Variants in PRELID2 observed in about 807,000 individuals in gnomAD.
PRELID2 encodes the protein PRELI domain containing 2.
Under a neutral mutation model 28.4 loss-of-function variants are expected in PRELID2, and 25 were observed. That is an observed-to-expected ratio of 0.88 (90% CI 0.64 to 1.23). PRELID2 has a LOEUF of 1.23. Ranked by LOEUF, PRELID2 falls within the 50% of genes most tolerant of loss-of-function variation. The pLI is 0.00. For missense variants in PRELID2, 201 were observed against 214.4 expected, an observed-to-expected ratio of 0.94 and a Z score of 0.39; for synonymous variants, 76 against 71.6, an observed-to-expected ratio of 1.06 and a Z score of -0.31.
At chr5:145,370,485 C>A in the PRELID2 span, among the ~76,000 whole-genome samples, 1 of 152,044 alleles carries the variant, frequency 6.6e-6, no homozygotes, top group Non-Finnish European at 1.5e-5. Context: ...GTCTATATGT[C>A]TGCTTTGGTA....
chr5:145,656,965 A>C (rs1754407217), intron 1 of PRELID2, among the ~76,000 whole-genome samples: 1 of 152,180 alleles, frequency 6.6e-6, no homozygotes, highest in Admixed American at 6.5e-5. Flanking sequence ...AGCCTATCTC[A>C]CATGTTTATT....
At position 145,818,030 on chromosome 5, in the gene PRELID2, T is replaced by C. The variant is rs1204205021; in HGVS notation, c.232A>G (p.Ile78Val). 1 of 1,612,218 alleles carries C rather than the reference T, an allele frequency of 6.2e-7. No individual in the cohort carries two copies. The highest frequency in any genetic ancestry group is 1.3e-5 in the African/African-American group (1 of 74,656). Reference sequence around the variant, plus strand: ...AGCCATGACTCCTCTTCTAATTGGATATTAGGTACTTTCAAAATGCTCACC... The same window carrying C: ...AGCCATGACTCCTCTTCTAATTGGACATTAGGTACTTTCAAAATGCTCACC... ...RKVSILKVPNIQLEEESWLNP... is the reference protein window; with the variant it reads ...RKVSILKVPNVQLEEESWLNP... The change falls in exon 4 of 7, where the codon ATC becomes GTC. Residue 78 changes from isoleucine (I) to valine (V), a missense_variant. Coordinates refer to ENST00000683046, the MANE Select transcript of PRELID2 (RefSeq NM_205846.3).
the PRELID2 span, among the ~76,000 whole-genome samples, chr5:145,425,328 A>G: frequency 6.6e-6 from 1 of 152,206 alleles, no homozygotes; most frequent in African/African-American, 2.4e-5. Flanking sequence ...TTATTCAACT[A>G]TTATAGAAGA....
chr5:145,712,704 A>G (rs61120451), intron 1 of PRELID2, among the ~76,000 whole-genome samples: 2,939 of 152,318 alleles, frequency 0.019, 69 homozygotes, highest in East Asian at 0.075. Flanking sequence ...AGTATATGGA[A>G]GCAGACCCAG....
At position 145,757,721 on chromosome 5, in the gene PRELID2, GGAGGCA is replaced by G. The variant is rs1223328391; in HGVS notation, c.*2809_*2814del. Among the ~76,000 whole-genome samples, 2 of 151,742 alleles carry G rather than the reference GGAGGCA, an allele frequency of 1.3e-5. No individual in the cohort carries two copies. Among genetic ancestry groups the G allele is most frequent in the East Asian group, 1.9e-4 (1 of 5,166 alleles). On this transcript the variant is annotated 3_prime_UTR_variant, in exon 7 of 7. Transcript: ENST00000683046. ...TCAAGCCTGTAATCCCAGCACTTTGGGAGGCAGAGGCAGAGGCAGGAGGATCATTTG... is the reference window on the plus strand; with the variant it reads ...TCAAGCCTGTAATCCCAGCACTTTGGGAGGCAGAGGCAGGAGGATCATTTG...
At chr5:145,284,959 A>C in the PRELID2 span, among the ~76,000 whole-genome samples, 1 of 152,184 alleles carries the variant, frequency 6.6e-6, no homozygotes, top group Non-Finnish European at 1.5e-5. Context: ...ATTGAAACTT[A>C]CTATGTGCCA....
At chr5:145,520,150 G>A (rs1174763956) in intron 1 of PRELID2, among the ~76,000 whole-genome samples, 1 of 152,052 alleles carries the variant, frequency 6.6e-6, no homozygotes, top group Non-Finnish European at 1.5e-5. Flanking sequence ...ACATTTTCCC[G>A]CTAAACCAAG....
chr5:145,295,550 A>G, the PRELID2 span, among the ~76,000 whole-genome samples: 2 of 152,186 alleles, frequency 1.3e-5, no homozygotes, highest in African/African-American at 2.4e-5. Flanking sequence ...ACAGAACACA[A>G]GGCAACTCCA....
At chr5:145,539,083 C>T (rs1192805001) in intron 1 of PRELID2, among the ~76,000 whole-genome samples, 1 of 151,828 alleles carries the variant, frequency 6.6e-6, no homozygotes, top group African/African-American at 2.4e-5. Flanking sequence ...GATAAGAAAA[C>T]CTAAGACAGC....
chr5:145,403,453 T>C, the PRELID2 span, among the ~76,000 whole-genome samples: 1 of 152,256 alleles, frequency 6.6e-6, no homozygotes, highest in South Asian at 2.1e-4. Context: ...GCTTCCCCCA[T>C]GCACAGTAGC....
At chr5:145,307,719 T>C in the PRELID2 span, among the ~76,000 whole-genome samples, 34 of 152,186 alleles carry the variant, frequency 2.2e-4, 1 homozygote, top group Middle Eastern at 3.4e-3. Context: ...CTGAGAGCTA[T>C]GCCCAACAGC....
chr5:145,622,884 T>C (rs1449337720), intron 1 of PRELID2, among the ~76,000 whole-genome samples: 1 of 152,050 alleles, frequency 6.6e-6, no homozygotes, highest in African/African-American at 2.4e-5. Flanking sequence ...CATTATTTAC[T>C]ATAAAAGTTT....
At chr5:145,423,382 A>G in the PRELID2 span, among the ~76,000 whole-genome samples, 2 of 152,044 alleles carry the variant, frequency 1.3e-5, no homozygotes, top group African/African-American at 2.4e-5. Flanking sequence ...CCAATCAGGC[A>G]TAGATTTGGT....
chr5:145,359,769 C>G, the PRELID2 span, among the ~76,000 whole-genome samples: 3 of 152,142 alleles, frequency 2.0e-5, no homozygotes, highest in African/African-American at 7.2e-5. Context: ...CCTCTTCATC[C>G]TTTTGCAATG....
In PRELID2 at chr5:145,758,994, A is replaced by ATTTTTTTTTT. The variant is rs70998036; in HGVS notation, c.*1532_*1541dup. The ATTTTTTTTTT allele has an allele frequency of 3.1e-4, 28 of 90,588 alleles. No individual in the cohort carries two copies. The highest frequency in any genetic ancestry group is 6.6e-4 in the African/African-American group (15 of 22,634). 5.6% of individuals were successfully genotyped at this position (90,588 alleles called of 1,614,324 possible). ...CCAAGACTCTCCAGTAACGGCCTGAATTTTTTTTTTTTTTTTTTTTTTTTG... is the reference window on the plus strand; with the variant it reads ...CCAAGACTCTCCAGTAACGGCCTGAATTTTTTTTTTTTTTTTTTTTTTTTTTTTTTTTTTG... On this transcript the variant is annotated 3_prime_UTR_variant, in exon 7 of 7. Coordinates refer to ENST00000683046, the MANE Select transcript of PRELID2 (RefSeq NM_205846.3).
chr5:145,364,283 T>C, the PRELID2 span, among the ~76,000 whole-genome samples: 1 of 151,982 alleles, frequency 6.6e-6, no homozygotes, highest in Admixed American at 6.6e-5. Flanking sequence ...TGATGAAAAT[T>C]TGATTATATT....
intron 4 of PRELID2, among the ~76,000 whole-genome samples, chr5:145,805,888 C>A (rs1753468618): frequency 6.6e-6 from 1 of 152,096 alleles, no homozygotes; most frequent in Non-Finnish European, 1.5e-5. Flanking sequence ...CTAAACATAT[C>A]TAGACATAGA....
intron 1 of PRELID2, among the ~76,000 whole-genome samples, chr5:145,709,690 G>A (rs928927237): frequency 1.3e-4 from 20 of 151,966 alleles, no homozygotes; most frequent in South Asian, 1.0e-3. Flanking sequence ...AGAGATAGGA[G>A]CCAATCACCA....
At position 145,760,383 on chromosome 5, in the gene PRELID2, A is replaced by G. The variant is rs955294734; in HGVS notation, c.*153T>C. 9.2e-5 allele frequency: 14 copies of G among 152,158 alleles called. No individual in the cohort carries two copies. Among genetic ancestry groups the G allele is most frequent in the African/African-American group, 3.4e-4 (14 of 41,432 alleles). The allele number at this position is 152,158 out of a possible 1,614,324, so 9.4% of individuals were successfully genotyped here. ...GAGGGTATCATTTTATGTCCTGGCA[A>G]GAAGGTCTTCTCTTCTTGAAGCTGC... On this transcript the variant is annotated 3_prime_UTR_variant, in exon 7 of 7. Transcript: ENST00000683046.
Sources: allele counts gnomAD v4.1 joint callset (sites outside exome capture counted in the v4.1 genomes callset), GRCh38; gene constraint gnomAD v4.1.1; transcripts MANE v1.5; gene names NCBI Gene and HGNC (gene_info 2026-07-23, HGNC 2026-07-21).